Variants in TMC2 observed in about 807,000 individuals in gnomAD.
TMC2 encodes the protein transmembrane channel like 2, also known as transmembrane channel-like protein 2.
A neutral mutation model predicts 105.9 loss-of-function variants in TMC2; 102 were observed. The observed-to-expected ratio is 0.96, with a 90% CI of 0.82 to 1.14. TMC2 has a LOEUF of 1.14. Among genes scored for constraint, TMC2 ranks in the 50% most tolerant of loss-of-function variants. The pLI is 0.00. For synonymous variants in TMC2, 402 were observed against 422.8 expected (o/e 0.95, Z 0.60); for missense variants, 1,093 against 1,134.3 (o/e 0.96, Z 0.52).
At chr20:2,594,269 C>G (rs915452535) in intron 8 of TMC2, among the ~76,000 whole-genome samples, 1 of 141,076 alleles carries the variant, frequency 7.1e-6, no homozygotes, top group African/African-American at 2.6e-5. Context: ...CCTCTGTTGC[C>G]CAGGCTGGAG....
chr20:2,599,401 C>G (rs1341469719), intron 10 of TMC2, among the ~76,000 whole-genome samples: 4 of 151,520 alleles, frequency 2.6e-5, no homozygotes, highest in African/African-American at 7.3e-5. Flanking sequence ...AGAACTATAG[C>G]TCATATAAAA....
chr20:2,597,070 G>A (rs928578598), intron 9 of TMC2, 81 bp from the exon 10 acceptor site: 17 of 1,512,028 alleles, frequency 1.1e-5, no homozygotes, highest in African/African-American at 2.7e-5. Flanking sequence ...ACCTGTGTCC[G>A]AGACTGGCTA....
intron 2 of TMC2, among the ~76,000 whole-genome samples, chr20:2,539,810 T>G (rs6083580): frequency 1.3e-5 from 2 of 151,868 alleles, no homozygotes; most frequent in Admixed American, 6.6e-5. Flanking sequence ...GGATAAATTA[T>G]GCAAAAATAG....
intron 2 of TMC2, among the ~76,000 whole-genome samples, chr20:2,552,823 T>TC (rs2122814572): frequency 6.6e-6 from 1 of 152,294 alleles, no homozygotes; most frequent in East Asian, 1.9e-4. Context: ...GCCAAGTATT[T>TC]CATTTTTTTA....
At chr20:2,594,752 T>C in intron 8 of TMC2, 73 bp from the exon 9 acceptor site, 11 of 1,484,860 alleles carry the variant, frequency 7.4e-6, no homozygotes, top group Non-Finnish European at 1.0e-5. Flanking sequence ...AAATCCCTGG[T>C]AGAGTAGACA....
intron 4 of TMC2, among the ~76,000 whole-genome samples, chr20:2,566,315 GTTA>G (rs2086064084): frequency 6.6e-6 from 1 of 152,180 alleles, no homozygotes; most frequent in African/African-American, 2.4e-5. Flanking sequence ...AGCGATTACT[GTTA>G]TTATTAAAGC....
At chr20:2,537,928 T>TC in intron 2 of TMC2, among the ~76,000 whole-genome samples, 1 of 152,026 alleles carries the variant, frequency 6.6e-6, no homozygotes, top group Non-Finnish European at 1.5e-5. Flanking sequence ...TGCTGTTTTC[T>TC]CCCCCTTCAC....
Position 2,613,305 on chromosome 20 carries a change from G to A in TMC2, c.1855G>A (p.Asp619Asn), listed in dbSNP as rs778650713. 1.2e-6 allele frequency: 2 copies of A among 1,613,988 alleles called. No individual in the cohort carries two copies. Among genetic ancestry groups the A allele is most frequent in the Non-Finnish European group, 1.7e-6 (2 of 1,180,020 alleles). Residue 619 changes from aspartate to asparagine, a missense_variant, in exon 14 of 20, where the codon GAC (aspartate) becomes AAC (asparagine). By Grantham distance (23) the Asp-to-Asn change is conservative. Coordinates refer to ENST00000358864, the MANE Select transcript of TMC2 (RefSeq NM_080751.3). ...VRFMNYCWCW[D>N]LEAGFPSYAE... Reference sequence around the variant, plus strand: ...GTTCATGAACTACTGCTGGTGCTGGGACTTGGAGGCTGGATTTGTAGGTCA... The same window carrying A: ...GTTCATGAACTACTGCTGGTGCTGGAACTTGGAGGCTGGATTTGTAGGTCA...
intron 2 of TMC2, among the ~76,000 whole-genome samples, chr20:2,557,158 T>C (rs1157867884): frequency 6.6e-6 from 1 of 152,244 alleles, no homozygotes; most frequent in Non-Finnish European, 1.5e-5. Flanking sequence ...AATTATTAAT[T>C]CAAATATTTC....
intron 9 of TMC2, among the ~76,000 whole-genome samples, chr20:2,596,097 G>A (rs1260074640): frequency 2.0e-5 from 3 of 152,106 alleles, no homozygotes; most frequent in Non-Finnish European, 4.4e-5. Context: ...AAGCCCTGTG[G>A]AACAGCAAAT....
At chr20:2,582,525 G>A (rs376293541) in intron 7 of TMC2, among the ~76,000 whole-genome samples, 3 of 152,090 alleles carry the variant, frequency 2.0e-5, no homozygotes, top group African/African-American at 7.2e-5. Flanking sequence ...TCCTGGGTTG[G>A]AGTGCAGTGG....
In TMC2 at chr20:2,558,226, G is replaced by A. The variant is rs1600099607; in HGVS notation, c.83-230G>A. 9.7e-7 allele frequency: 1 copy of A among 1,031,792 alleles called. No individual in the cohort carries two copies. Among genetic ancestry groups the A allele is most frequent in the East Asian group, 2.8e-5 (1 of 35,676 alleles). 63.9% of individuals were successfully genotyped at this position (1,031,792 alleles called of 1,614,324 possible). ...CACAGGAGGTCTTCAAGGGAGACGG[G>A]AGGGAGAAGGCCAGAGAGTGACCTT... is the stretch of plus-strand genomic sequence containing the variant. On this transcript the variant is annotated intron_variant, in intron 2 of 19. Transcript: ENST00000358864. This position sits in a 1 kb window ranked among gnomAD's most constrained non-coding sequence, Gnocchi z 4.6.
chr20:2,637,387 C>CA (rs59750367), intron 18 of TMC2, 87 bp from the exon 19 acceptor site: 6,699 of 621,532 alleles, frequency 0.011, 36 homozygotes, highest in Non-Finnish European at 0.013. Context: ...GACTCTGTCT[C>CA]AAAAAAAAAA....
intron 2 of TMC2, among the ~76,000 whole-genome samples, chr20:2,540,813 T>C (rs2085884840): frequency 6.6e-6 from 1 of 152,048 alleles, no homozygotes; most frequent in Non-Finnish European, 1.5e-5. Flanking sequence ...CCTCCCCACA[T>C]CACCTTCTTC....
chr20:2,628,658 G>C (rs189952015), intron 17 of TMC2, among the ~76,000 whole-genome samples: 33 of 152,180 alleles, frequency 2.2e-4, no homozygotes, highest in African/African-American at 8.0e-4. Context: ...TCTCCTTCCC[G>C]CCACTTTGTG....
intron 2 of TMC2, among the ~76,000 whole-genome samples, chr20:2,544,593 C>T (rs2085911855): frequency 6.6e-6 from 1 of 152,180 alleles, no homozygotes; most frequent in African/African-American, 2.4e-5. Flanking sequence ...CATTCCCCAC[C>T]TTGGGAGATC....
At position 2,612,341 on chromosome 20, in the gene TMC2, G is replaced by T; in HGVS notation, c.1743+1G>T. ...TTGCTGGGAGACAGCTGTGGGCATT[G>T]TGAGTAGTTACACTCTCTAAAAAGG... is the stretch of plus-strand genomic sequence containing the variant. On this transcript the variant is annotated splice_donor_variant, in intron 13 of 19. Coordinates refer to ENST00000358864, the MANE Select transcript of TMC2 (RefSeq NM_080751.3). LOFTEE classifies it high-confidence loss of function. 1 of 1,567,458 alleles carries T rather than the reference G, an allele frequency of 6.4e-7. No homozygotes were observed. The highest frequency in any genetic ancestry group is 1.7e-5 in the Admixed American group (1 of 57,532).
intron 2 of TMC2, among the ~76,000 whole-genome samples, chr20:2,549,279 T>C (rs2085942757): frequency 6.6e-6 from 1 of 152,116 alleles, no homozygotes; most frequent in East Asian, 1.9e-4. Context: ...TGGTCCTGAA[T>C]TCCTAGGTTC....
intron 2 of TMC2, among the ~76,000 whole-genome samples, chr20:2,553,856 T>C (rs2085970954): frequency 6.6e-6 from 1 of 152,150 alleles, no homozygotes; most frequent in Non-Finnish European, 1.5e-5. Context: ...AGCATCAAGT[T>C]GTCTGCAATA....
Sources: gnomAD v4.1 joint callset for allele counts (sites outside exome capture counted in the v4.1 genomes callset) on GRCh38, gnomAD v4.1.1 for gene constraint, Gnocchi (gnomAD v3.1) non-coding constraint, MANE v1.5 for transcripts, NCBI Gene and HGNC (gene_info 2026-07-23, HGNC 2026-07-21) for gene names.